Variants in GUCY1B1 observed in about 807,000 individuals in gnomAD.
GUCY1B1 encodes the protein guanylate cyclase 1 soluble subunit beta 1.
GUCY1B1 carries 43 observed loss-of-function variants against 71.0 expected under a neutral mutation model. That is an observed-to-expected ratio of 0.61 (90% CI 0.47 to 0.78). The LOEUF (loss-of-function observed/expected upper bound fraction) is 0.78. Among genes scored for constraint, GUCY1B1 ranks in the 30% least tolerant of loss-of-function variants. The pLI, the probability that GUCY1B1 is intolerant of heterozygous loss-of-function variation, is 0.00. For missense variants in GUCY1B1, 535 were observed against 754.1 expected, an observed-to-expected ratio of 0.71 and a Z score of 3.40; for synonymous variants, 266 against 259.7, an observed-to-expected ratio of 1.02 and a Z score of -0.23.
chr4:155,798,839 C>CGTT (rs111768323), intron 8 of GUCY1B1, among the ~76,000 whole-genome samples: 39,957 of 151,552 alleles, frequency 0.26, 5,575 homozygotes, highest in Middle Eastern at 0.39. Flanking sequence ...GTTTTGTTGT[C>CGTT]GTTGTTGTTG....
chr4:155,775,151 G>T (rs1737957400), intron 3 of GUCY1B1, 83 bp downstream of exon 3: 1 of 785,164 alleles, frequency 1.3e-6, no homozygotes. Context: ...ACAACGCAGG[G>T]TTACAGAAGT....
At chr4:155,791,507 G>T (rs1291173030) in intron 5 of GUCY1B1, among the ~76,000 whole-genome samples, 1 of 148,408 alleles carries the variant, frequency 6.7e-6, no homozygotes, top group Non-Finnish European at 1.5e-5. Flanking sequence ...AAGGCGGGGG[G>T]ATCACGAGGT....
chr4:155,798,307 G>T (rs912690776), intron 8 of GUCY1B1, among the ~76,000 whole-genome samples: 6 of 152,090 alleles, frequency 3.9e-5, no homozygotes, highest in Admixed American at 3.3e-4. Context: ...TAATGATATA[G>T]GGCATTTTTA....
chr4:155,759,091 G>T lies in GUCY1B1; in HGVS notation c.-50G>T. ...CTGCCGCCTCTGCCTGGGTCCCTTC[G>T]GCCGTACCTCTGCGTGGGGGCTGCC... On this transcript the variant is annotated 5_prime_UTR_variant, in exon 1 of 14. Coordinates refer to ENST00000264424, the MANE Select transcript of GUCY1B1 (RefSeq NM_000857.5). 12 of 1,578,836 alleles carry T rather than the reference G, an allele frequency of 7.6e-6. No homozygotes were observed. Among genetic ancestry groups the T allele is most frequent in the Non-Finnish European group, 1.0e-5 (12 of 1,162,140 alleles).
chr4:155,794,315 T>A (rs558448421), intron 6 of GUCY1B1, among the ~76,000 whole-genome samples: 1 of 152,266 alleles, frequency 6.6e-6, no homozygotes, highest in African/African-American at 2.4e-5. Flanking sequence ...ACAGTAGGAA[T>A]GTTATGTAAG....
intron 4 of GUCY1B1, 41 bp downstream of exon 4, chr4:155,777,683 A>G (rs1280610193): frequency 2.1e-6 from 2 of 943,292 alleles, no homozygotes; most frequent in African/African-American, 3.2e-5. Flanking sequence ...TTCTGTGTTT[A>G]TAACTCTCAA....
intron 5 of GUCY1B1, among the ~76,000 whole-genome samples, chr4:155,790,690 T>C (rs991733338): frequency 5.9e-5 from 9 of 152,328 alleles, no homozygotes; most frequent in African/African-American, 2.2e-4. Flanking sequence ...GAAAACCTAT[T>C]AGACAGTTCT....
intron 3 of GUCY1B1, among the ~76,000 whole-genome samples, 159 bp from the exon 4 acceptor site, chr4:155,777,365 G>A (rs964087551): frequency 3.9e-5 from 6 of 152,166 alleles, no homozygotes; most frequent in African/African-American, 7.2e-5. Flanking sequence ...TGATTTCATT[G>A]TATTGTCCTG....
chr4:155,794,049 C>T lies in GUCY1B1; in HGVS notation c.689C>T (p.Thr230Ile). ...HIIFDRDLVV[T>I]QCGNAIYRVL... ...ATATTTGACCGGGACCTAGTGGTCA[C>T]TCAGTGTGGCAATGCTATATACAGA... is the stretch of plus-strand genomic sequence containing the variant. Residue 230 changes from threonine (T) to isoleucine (I), a missense_variant, in exon 6 of 14, where the codon ACT (threonine) becomes ATT (isoleucine). By Grantham distance (89) the Thr-to-Ile change is moderately conservative. Coordinates refer to ENST00000264424, the MANE Select transcript of GUCY1B1 (RefSeq NM_000857.5). 6.2e-7 allele frequency: 1 copy of T among 1,610,264 alleles called. No individual in the cohort carries two copies. Among genetic ancestry groups the T allele is most frequent in the Admixed American group, 1.7e-5 (1 of 60,002 alleles).
chr4:155,806,542 T>C lies in GUCY1B1; in HGVS notation c.*133T>C, dbSNP rs1740329826. ...CCTTGTCCATTACCCCAAGACTTTC[T>C]TCTAGATATATCTCTCACTATCCGT... On this transcript the variant is annotated 3_prime_UTR_variant, in exon 14 of 14. Transcript: ENST00000264424. 1 of 628,408 alleles carries C rather than the reference T, an allele frequency of 1.6e-6. No homozygotes were observed. Among genetic ancestry groups the C allele is most frequent in the African/African-American group, 1.9e-5 (1 of 54,030 alleles). 38.9% of individuals were successfully genotyped at this position (628,408 alleles called of 1,614,324 possible). A position where few individuals can be genotyped will look rare whatever the true frequency, so the allele number is the denominator to read the frequency against.
chr4:155,772,071 A>G lies in GUCY1B1; in HGVS notation c.78-2897A>G, dbSNP rs539199869. On this transcript the variant is annotated intron_variant, in intron 2 of 13. Coordinates refer to ENST00000264424, the MANE Select transcript of GUCY1B1 (RefSeq NM_000857.5). ...AGAAATTAGAATGCAGAAAATATAT[A>G]GTAGCATTTATCAGAGGATAAGACA... Among the ~76,000 whole-genome samples, 17 of 152,332 alleles carry G rather than the reference A, an allele frequency of 1.1e-4. 1 individual carries two copies. In the South Asian group the frequency reaches 3.5e-3, roughly 32 times the overall value.
chr4:155,784,429 A>G (rs1399769814), intron 4 of GUCY1B1, among the ~76,000 whole-genome samples: 1 of 152,128 alleles, frequency 6.6e-6, no homozygotes, highest in Non-Finnish European at 1.5e-5. Context: ...TAAATGTTTT[A>G]TCTTCAAATT....
At chr4:155,795,687 T>G (rs1163557537) in intron 7 of GUCY1B1, among the ~76,000 whole-genome samples, 1 of 152,188 alleles carries the variant, frequency 6.6e-6, no homozygotes, top group Non-Finnish European at 1.5e-5. Context: ...ACTGTCTTTC[T>G]GAGACGGCCT....
In GUCY1B1 at chr4:155,804,577, G is replaced by T. The variant is rs751487005; in HGVS notation, c.1555-16G>T. Reference sequence around the variant, plus strand: ...TAGTGATCAAAATGATTGAAGCAAAGCTTTCTTTTTTGCAGATAACAATAG... The same window carrying T: ...TAGTGATCAAAATGATTGAAGCAAATCTTTCTTTTTTGCAGATAACAATAG... On this transcript the variant is annotated splice_polypyrimidine_tract_variant and intron_variant, in intron 11 of 13. Transcript: ENST00000264424. The T allele has an allele frequency of 1.3e-6, 2 of 1,591,618 alleles. No homozygotes were observed. The highest frequency in any genetic ancestry group is 2.3e-5 in the South Asian group (2 of 86,728).
In GUCY1B1 at chr4:155,803,604, C is replaced by T. The variant is rs1722122404; in HGVS notation, c.1414-20C>T. 1 of 1,453,860 alleles carries T rather than the reference C, an allele frequency of 6.9e-7. No individual in the cohort carries two copies. Among genetic ancestry groups the T allele is most frequent in the Non-Finnish European group, 9.1e-7 (1 of 1,093,986 alleles). 90.1% of individuals were successfully genotyped at this position (1,453,860 alleles called of 1,614,324 possible). ...TCTTTTTTATGCTAACCGTGAACAT[C>T]TAAATATATGTACTGTTAGGTGGAG... On this transcript the variant is annotated intron_variant, in intron 10 of 13. Coordinates refer to ENST00000264424, the MANE Select transcript of GUCY1B1 (RefSeq NM_000857.5).
At chr4:155,781,938 T>C (rs180810399) in intron 4 of GUCY1B1, among the ~76,000 whole-genome samples, 1 of 152,266 alleles carries the variant, frequency 6.6e-6, no homozygotes, top group East Asian at 1.9e-4. Context: ...CCTGGGTATA[T>C]TGTTTTAAAG....
chr4:155,771,850 A>C (rs1280439001), intron 2 of GUCY1B1, among the ~76,000 whole-genome samples: 1 of 152,178 alleles, frequency 6.6e-6, no homozygotes, highest in African/African-American at 2.4e-5. Flanking sequence ...ATGGTATAGA[A>C]GTATAATTAT....
At chr4:155,767,362 A>G (rs917018768) in intron 2 of GUCY1B1, among the ~76,000 whole-genome samples, 1 of 152,182 alleles carries the variant, frequency 6.6e-6, no homozygotes, top group African/African-American at 2.4e-5. Context: ...GCTGCTGAAA[A>G]TGGCTCAGCA....
intron 2 of GUCY1B1, among the ~76,000 whole-genome samples, chr4:155,762,767 A>G (rs1175471468): frequency 6.6e-6 from 1 of 152,258 alleles, no homozygotes; most frequent in Non-Finnish European, 1.5e-5. Flanking sequence ...AGGAATCAAT[A>G]TAACTATTAA....
Sources: allele counts gnomAD v4.1 joint callset (sites outside exome capture counted in the v4.1 genomes callset), GRCh38; gene constraint gnomAD v4.1.1; transcripts MANE v1.5; gene names NCBI Gene and HGNC (gene_info 2026-07-23, HGNC 2026-07-21).